Variants in OPCML observed in about 807,000 individuals in gnomAD.
The protein encoded by OPCML is opioid-binding protein/cell adhesion molecule.
Under a neutral mutation model 37.8 loss-of-function variants are expected in OPCML, and 13 were observed. The observed-to-expected ratio is 0.34, with a 90% CI of 0.22 to 0.55. The LOEUF is 0.55. Among genes scored for constraint, OPCML ranks in the 20% least tolerant of loss-of-function variants. The pLI, the probability that OPCML is intolerant of heterozygous loss-of-function variation, is 0.91. For missense variants in OPCML, 341 were observed against 435.6 expected, an observed-to-expected ratio of 0.78 and a Z score of 1.93; for synonymous variants, 176 against 168.8, an observed-to-expected ratio of 1.04 and a Z score of -0.33.
intron 1 of OPCML, among the ~76,000 whole-genome samples, chr11:133,365,004 C>T (rs1944507265): frequency 6.6e-6 from 1 of 151,624 alleles, no homozygotes; most frequent in South Asian, 2.1e-4. Flanking sequence ...TTTTCATCAA[C>T]ATGACTCTCC....
At chr11:133,091,020 G>T (rs925626768) in intron 1 of OPCML, among the ~76,000 whole-genome samples, 1 of 152,176 alleles carries the variant, frequency 6.6e-6, no homozygotes, top group Non-Finnish European at 1.5e-5. Context: ...CAAAGGAGAA[G>T]CCCAGGGCAC....
chr11:132,619,001 C>G (rs565561149), intron 3 of OPCML, among the ~76,000 whole-genome samples: 1 of 143,394 alleles, frequency 7.0e-6, no homozygotes, highest in Non-Finnish European at 1.5e-5. Flanking sequence ...ACACACACAC[C>G]GTGTTTAGAA....
intron 1 of OPCML, among the ~76,000 whole-genome samples, chr11:133,491,086 A>G (rs1016726295): frequency 5.9e-5 from 9 of 152,210 alleles, no homozygotes; most frequent in Non-Finnish European, 1.0e-4. Context: ...AGAAGTCAGC[A>G]GTGTGAAATT....
chr11:133,027,708 G>A lies in OPCML; in HGVS notation c.62-84698C>T, dbSNP rs558886721. On this transcript the variant is annotated intron_variant, in intron 1 of 7. Transcript: ENST00000524381. Reference sequence around the variant, plus strand: ...TGTGTGTGGGTGGTATGTGTCATGTGTATGGTGTGTATGCATATGTGATGT... The same window carrying A: ...TGTGTGTGGGTGGTATGTGTCATGTATATGGTGTGTATGCATATGTGATGT... 1.1e-4 allele frequency among the ~76,000 whole-genome samples: 3 copies of A among 26,880 alleles called. No homozygotes were observed. In the South Asian group the frequency reaches 3.6e-3, roughly 32 times the overall value. 17.6% of individuals were successfully genotyped at this position (26,880 alleles called of 152,430 possible). A position where few individuals can be genotyped will look rare whatever the true frequency, so the allele number is the denominator to read the frequency against.
At chr11:132,592,328 T>A (rs534413998) in intron 3 of OPCML, among the ~76,000 whole-genome samples, 1 of 152,162 alleles carries the variant, frequency 6.6e-6, no homozygotes, top group South Asian at 2.1e-4. Flanking sequence ...GAGGGGCATA[T>A]GGAGGGAGAG....
chr11:132,828,634 A>C (rs1940506764), intron 2 of OPCML, among the ~76,000 whole-genome samples: 1 of 152,066 alleles, frequency 6.6e-6, no homozygotes, highest in African/African-American at 2.4e-5. Flanking sequence ...CAGAAAAAAA[A>C]AGTGGAATTT....
intron 3 of OPCML, among the ~76,000 whole-genome samples, chr11:132,551,849 T>A (rs1450362051): frequency 6.6e-6 from 1 of 152,156 alleles, no homozygotes; most frequent in African/African-American, 2.4e-5. Flanking sequence ...CACAGCCGGC[T>A]CTGCGTGAAT....
chr11:133,070,252 A>G (rs2137007537), intron 1 of OPCML, among the ~76,000 whole-genome samples: 1 of 152,294 alleles, frequency 6.6e-6, no homozygotes, highest in East Asian at 1.9e-4. Context: ...AAATTTGCAT[A>G]ATAATTAGCT....
rs375412199 is a variant in OPCML, at chr11:132,638,899, C to T, written c.379+18188G>A. ...CAGTTCTTTGCTGTGGCCAGCCTCGCGTCAATTAAACTCTTTCTCTACTGC... is the reference window on the plus strand; with the variant it reads ...CAGTTCTTTGCTGTGGCCAGCCTCGTGTCAATTAAACTCTTTCTCTACTGC... On this transcript the variant is annotated intron_variant, in intron 3 of 7. Transcript: ENST00000524381. Among the ~76,000 whole-genome samples, 23 of 152,268 alleles carry T rather than the reference C, an allele frequency of 1.5e-4. No homozygotes were observed. The East Asian group carries it at 2.1e-3, about 14-fold the overall frequency.
chr11:133,231,960 G>A (rs1322198530), intron 1 of OPCML, among the ~76,000 whole-genome samples: 1 of 61,118 alleles, frequency 1.6e-5, no homozygotes, highest in African/African-American at 7.3e-5. Context: ...AAGGGCAATG[G>A]ACACATGATG....
chr11:132,719,204 A>G (rs1227367351), intron 2 of OPCML, among the ~76,000 whole-genome samples: 3 of 152,300 alleles, frequency 2.0e-5, no homozygotes, highest in African/African-American at 2.4e-5. Flanking sequence ...CGCAGTCAGG[A>G]CAGGTGGCCT....
chr11:133,134,801 G>C (rs938305538), intron 1 of OPCML, among the ~76,000 whole-genome samples: 1 of 152,116 alleles, frequency 6.6e-6, no homozygotes, highest in African/African-American at 2.4e-5. Context: ...CCAGGAGGGC[G>C]CAGAGAGCTC....
intron 1 of OPCML, among the ~76,000 whole-genome samples, chr11:133,440,127 G>A (rs1298472885): frequency 6.6e-6 from 1 of 152,072 alleles, no homozygotes; most frequent in Admixed American, 6.5e-5. Flanking sequence ...GGGCATAGTG[G>A]CTCACACCTG....
chr11:132,569,448 C>G (rs1417831550), intron 3 of OPCML, among the ~76,000 whole-genome samples: 1 of 152,124 alleles, frequency 6.6e-6, no homozygotes, highest in Non-Finnish European at 1.5e-5. Flanking sequence ...CAGGCCTAGA[C>G]AAGTCATACA....
intron 1 of OPCML, among the ~76,000 whole-genome samples, chr11:133,273,705 T>C (rs1421559436): frequency 2.6e-5 from 4 of 152,166 alleles, no homozygotes; most frequent in South Asian, 4.1e-4. Flanking sequence ...AGGAGCCCTC[T>C]TGGAGCCCTC....
At chr11:133,492,670 A>G (rs778533941) in intron 1 of OPCML, among the ~76,000 whole-genome samples, 7 of 151,896 alleles carry the variant, frequency 4.6e-5, no homozygotes, top group Non-Finnish European at 1.0e-4. Flanking sequence ...TCCTGATGTT[A>G]ATATCAGGGA....
At chr11:133,143,350 C>G (rs1202265661) in intron 1 of OPCML, among the ~76,000 whole-genome samples, 1 of 152,094 alleles carries the variant, frequency 6.6e-6, no homozygotes, top group East Asian at 1.9e-4. Flanking sequence ...GTGGCCATCC[C>G]AGGGTGAGGC....
Position 133,140,880 on chromosome 11 carries a change from C to A in OPCML, c.62-197870G>T, listed in dbSNP as rs867478976. Among the ~76,000 whole-genome samples, 49 of 6,034 alleles carry A rather than the reference C, an allele frequency of 8.1e-3. 4 individuals are homozygous for A. The highest frequency in any genetic ancestry group is 0.012 in the African/African-American group (45 of 3,780). 4.0% of individuals were successfully genotyped at this position (6,034 alleles called of 152,430 possible). A position where few individuals can be genotyped will look rare whatever the true frequency, so the allele number is the denominator to read the frequency against. On this transcript the variant is annotated intron_variant, in intron 1 of 7. Coordinates refer to ENST00000524381, the MANE Select transcript of OPCML (RefSeq NM_001012393.5). ...AAGAAGACGACGACGACGAAGAAGA[C>A]GACGACGACGACGAAGACGACGACG...
chr11:133,385,326 G>A (rs891294734), intron 1 of OPCML, among the ~76,000 whole-genome samples: 7 of 152,168 alleles, frequency 4.6e-5, no homozygotes, highest in Non-Finnish European at 1.0e-4. Context: ...TCAGATTCCC[G>A]ACCCACAGAA....
Sources: gnomAD v4.1 joint callset for allele counts (sites outside exome capture counted in the v4.1 genomes callset) on GRCh38, gnomAD v4.1.1 for gene constraint, MANE v1.5 for transcripts, NCBI Gene and HGNC (gene_info 2026-07-23, HGNC 2026-07-21) for gene names.